TMPRSS5: variants seen among roughly 807,000 people sequenced by gnomAD.
The protein encoded by TMPRSS5 is transmembrane serine protease 5, also known as transmembrane protease serine 5.
TMPRSS5 carries 45 observed loss-of-function variants against 59.7 expected under a neutral mutation model. The ratio of observed to expected loss-of-function variants is 0.75; its 90% CI spans 0.59 to 0.97. The LOEUF (loss-of-function observed/expected upper bound fraction) is 0.97, where lower values mean the gene tolerates loss of function less well. TMPRSS5 is among the 50% of genes least tolerant of loss of function. The pLI is 0.00. For missense variants in TMPRSS5, 585 were observed against 596.7 expected (o/e 0.98, Z 0.20); for synonymous variants, 225 against 232.0 (o/e 0.97, Z 0.27).
At chr11:113,691,720 A>T (rs1952784225) in intron 9 of TMPRSS5, among the ~76,000 whole-genome samples, 1 of 151,256 alleles carries the variant, frequency 6.6e-6, no homozygotes, top group Admixed American at 6.6e-5. Flanking sequence ...TACTTACTAT[A>T]CTATATAGTA....
At chr11:113,691,148 G>A in intron 9 of TMPRSS5, 1 of 574,002 alleles carries the variant, frequency 1.7e-6, no homozygotes. Context: ...AGGACAGCAT[G>A]CAAACTGCAG....
At chr11:113,702,380 T>C (rs1374085357) in intron 1 of TMPRSS5, among the ~76,000 whole-genome samples, 1 of 152,156 alleles carries the variant, frequency 6.6e-6, no homozygotes, top group East Asian at 1.9e-4. Flanking sequence ...CTCTTTGGAC[T>C]TGAGAGAGAT....
intron 4 of TMPRSS5, 23 bp downstream of exon 4, chr11:113,698,882 G>A (rs376441995): frequency 4.6e-5 from 72 of 1,574,026 alleles, no homozygotes; most frequent in Admixed American, 1.1e-4. Context: ...AGGGAGGCCC[G>A]TAGCCTTAGG....
chr11:113,688,169 G>T lies in TMPRSS5; in HGVS notation c.*91C>A. 2 of 1,515,736 alleles carry T rather than the reference G, an allele frequency of 1.3e-6. No homozygotes were observed. The highest frequency in any genetic ancestry group is 1.3e-5 in the South Asian group (1 of 76,646). 93.9% of individuals were successfully genotyped at this position (1,515,736 alleles called of 1,614,324 possible). The stretch of plus-strand genomic sequence containing the variant: ...GAGGTCCATGCGTTCTGTGTCGGAG[G>T]CTACTGCCTCTCCTCCATTAGTGGA... On this transcript the variant is annotated 3_prime_UTR_variant, in exon 13 of 13. Transcript: ENST00000299882.
intron 7 of TMPRSS5, among the ~76,000 whole-genome samples, chr11:113,694,965 G>A (rs181113855): frequency 3.1e-4 from 47 of 152,302 alleles, no homozygotes; most frequent in Admixed American, 2.7e-3. Flanking sequence ...ATGAAGAGAC[G>A]GGTAGATGAA....
intron 5 of TMPRSS5, 116 bp downstream of exon 5, chr11:113,697,167 A>T: frequency 6.9e-7 from 1 of 1,443,998 alleles, no homozygotes; most frequent in Admixed American, 2.0e-5. Flanking sequence ...GGCCAAAAAG[A>T]CCTCTTGACA....
chr11:113,690,491 G>A lies in TMPRSS5; in HGVS notation c.1064-118C>T, dbSNP rs1449180192. 10 of 1,438,050 alleles carry A rather than the reference G, an allele frequency of 7.0e-6. No individual in the cohort carries two copies. The East Asian group carries it at 2.0e-4, about 29-fold the overall frequency. The allele number at this position is 1,438,050 out of a possible 1,614,324, so 89.1% of individuals were successfully genotyped here. A position where few individuals can be genotyped will look rare whatever the true frequency, so the allele number is the denominator to read the frequency against. On this transcript the variant is annotated intron_variant, in intron 10 of 12. Transcript: ENST00000299882. ...AGGGAGACCCAAAGAGGCGAGCCCA[G>A]GGTGGGAGCTGTGGACGCTGAGCAA...
At chr11:113,704,053 A>G (rs1361535652) in intron 1 of TMPRSS5, among the ~76,000 whole-genome samples, 1 of 152,166 alleles carries the variant, frequency 6.6e-6, no homozygotes. Context: ...AGGGATGAAG[A>G]GGGTTTGAGC....
Position 113,689,356 on chromosome 11 carries a change from C to CA in TMPRSS5, c.1359+408dup, listed in dbSNP as rs546402100. Among the ~76,000 whole-genome samples, 176 of 149,176 alleles carry CA rather than the reference C, an allele frequency of 1.2e-3. 1 individual carries two copies. The highest frequency in any genetic ancestry group is 6.8e-3 in the Middle Eastern group (2 of 294). On this transcript the variant is annotated intron_variant, in intron 12 of 12. Coordinates refer to ENST00000299882, the MANE Select transcript of TMPRSS5 (RefSeq NM_030770.4). Reference sequence around the variant, plus strand: ...GGGCAACAAGAGCAAAACTCCATCTCAAAAAAAAACAAAAAACACTGCAGA... The same window carrying CA: ...GGGCAACAAGAGCAAAACTCCATCTCAAAAAAAAAACAAAAAACACTGCAGA...
intron 3 of TMPRSS5, among the ~76,000 whole-genome samples, chr11:113,699,236 T>C (rs1053930976): frequency 3.0e-5 from 2 of 65,708 alleles, no homozygotes; most frequent in East Asian, 5.0e-4. Flanking sequence ...TCTCTCTCTC[T>C]CTCTCTCTCT....
At chr11:113,700,207 C>A in intron 1 of TMPRSS5, 39 bp from the exon 2 acceptor site, 1 of 1,476,074 alleles carries the variant, frequency 6.8e-7, no homozygotes. Flanking sequence ...ATCCCCACAT[C>A]AAGGACTGCT....
At position 113,690,346 on chromosome 11, in the gene TMPRSS5, G is replaced by A. The variant is rs201002023; in HGVS notation, c.1091C>T (p.Thr364Met). 23 of 1,605,250 alleles carry A rather than the reference G, an allele frequency of 1.4e-5. No homozygotes were observed. The highest frequency in any genetic ancestry group is 2.2e-5 in the East Asian group (1 of 44,652). Residue 364 changes from threonine (T) to methionine (M), a missense_variant, in exon 11 of 13, where the codon ACG becomes ATG. Physicochemically the swap from Thr to Met is moderately conservative, Grantham distance 81. Coordinates refer to ENST00000299882, the MANE Select transcript of TMPRSS5 (RefSeq NM_030770.4). ...CTGAGTGCTGAACAAGGGCACCACC[G>A]TGTCCTGGAGCATATCCGAGCTGTA... The part of the protein sequence containing the change: ...HTYSSDMLQD[T>M]VVPLFSTQLC...
intron 4 of TMPRSS5, 39 bp from the exon 5 acceptor site, chr11:113,697,457 T>G: frequency 6.2e-7 from 1 of 1,606,270 alleles, no homozygotes; most frequent in Non-Finnish European, 8.5e-7. Flanking sequence ...GAGAGGATGG[T>G]GGTGGTAGGG....
chr11:113,694,240 G>C (rs1301151392), intron 8 of TMPRSS5: 2 of 316,696 alleles, frequency 6.3e-6, no homozygotes, highest in Admixed American at 5.9e-5. Context: ...GTGAGACTCT[G>C]TCTCAAAAAA....
chr11:113,696,704 G>A lies in TMPRSS5; in HGVS notation c.578+154C>T, dbSNP rs1952936533. The A allele has an allele frequency of 2.0e-5, 12 of 613,120 alleles. 1 individual carries two copies. In the South Asian group the frequency reaches 2.2e-4, roughly 11 times the overall value. The allele number at this position is 613,120 out of a possible 1,614,324, so 38.0% of individuals were successfully genotyped here. ...GACAGACAGGGCTCATGTGAACTGAGTTTGTAATTTCTAACTAGGAAATGT... is the reference window on the plus strand; with the variant it reads ...GACAGACAGGGCTCATGTGAACTGAATTTGTAATTTCTAACTAGGAAATGT... On this transcript the variant is annotated intron_variant, in intron 6 of 12. Coordinates refer to ENST00000299882, the MANE Select transcript of TMPRSS5 (RefSeq NM_030770.4).
At chr11:113,699,274 T>TCTCTCTCTCCCTCC (rs1565263890) in intron 3 of TMPRSS5, among the ~76,000 whole-genome samples, 1 of 80,222 alleles carries the variant, frequency 1.2e-5, no homozygotes, top group African/African-American at 6.7e-5. Flanking sequence ...TCTCTCTCCC[T>TCTCTCTCTCCCTCC]CTCTCTCTCT....
Position 113,690,282 on chromosome 11 carries a change from G to C in TMPRSS5, c.1155C>G (p.Thr385=). ...GGTAGCCAGCGCAAAGCATGCGGGG[G>C]GTGAGGGCTCCGCTGTACACGCAAG... The part of the protein sequence containing the change: ...NSSCVYSGAL[T]PRMLCAGYLD... The change falls in exon 11 of 13, where the codon ACC becomes ACG. Residue 385 remains threonine (T), a synonymous_variant. Transcript: ENST00000299882. 6.4e-7 allele frequency: 1 copy of C among 1,573,226 alleles called. No homozygotes were observed. The highest frequency in any genetic ancestry group is 8.6e-7 in the Non-Finnish European group (1 of 1,160,478).
chr11:113,694,918 G>A (rs368211318), intron 7 of TMPRSS5, among the ~76,000 whole-genome samples: 20 of 152,284 alleles, frequency 1.3e-4, no homozygotes, highest in African/African-American at 4.8e-4. Flanking sequence ...AGTAAAGGTC[G>A]AAGTGTTGGT....
At chr11:113,695,987 A>C (rs1400158295) in intron 6 of TMPRSS5, among the ~76,000 whole-genome samples, 1 of 150,910 alleles carries the variant, frequency 6.6e-6, no homozygotes, top group Non-Finnish European at 1.5e-5. Flanking sequence ...TTCTTTACTC[A>C]CCTCTTGCCC....
Sources: gnomAD v4.1 joint callset for allele counts (sites outside exome capture counted in the v4.1 genomes callset) on GRCh38, gnomAD v4.1.1 for gene constraint, MANE v1.5 for transcripts, NCBI Gene and HGNC (gene_info 2026-07-23, HGNC 2026-07-21) for gene names.